Variants in EYA2 observed in about 807,000 individuals in gnomAD.
EYA2 encodes protein phosphatase EYA2.
Under a neutral mutation model 69.2 loss-of-function variants are expected in EYA2, and 31 were observed. That is an observed-to-expected ratio of 0.45 (90% CI 0.34 to 0.60). The LOEUF is 0.60. Ranked by LOEUF, EYA2 falls within the 20% of genes least tolerant of loss-of-function variation. EYA2 has a pLI of 0.02. For synonymous variants in EYA2, 257 were observed against 279.4 expected (o/e 0.92, Z 0.80); for missense variants, 622 against 701.2 (o/e 0.89, Z 1.28).
intron 5 of EYA2, among the ~76,000 whole-genome samples, chr20:47,067,001 G>A (rs1451846289): frequency 6.6e-6 from 1 of 152,134 alleles, no homozygotes; most frequent in African/African-American, 2.4e-5. Context: ...GTCCTCTCTG[G>A]CACAGGATGG....
At chr20:47,145,900 TAA>T (rs112472302) in intron 10 of EYA2, among the ~76,000 whole-genome samples, 1 of 138,298 alleles carries the variant, frequency 7.2e-6, no homozygotes, top group Non-Finnish European at 1.6e-5. Flanking sequence ...AACTCCATCT[TAA>T]AAAAAAAAAA....
rs775297014 is a variant in EYA2 at position 46,990,015 on chromosome 20, T to G, written c.5T>G (p.Val2Gly). Residue 2 changes from valine (V) to glycine (G), a missense_variant, in exon 2 of 16, where the codon GTA becomes GGA. Transcript: ENST00000327619. ...TTTTCTTTCAGGTACAAGGAAATGG[T>G]AGAACTAGTGATCTCACCCAGCCTC... M[V>G]ELVISPSLTV... 6.3e-7 allele frequency: 1 copy of G among 1,579,106 alleles called. No homozygotes were observed. The highest frequency in any genetic ancestry group is 1.1e-5 in the South Asian group (1 of 90,222).
intron 5 of EYA2, among the ~76,000 whole-genome samples, chr20:47,045,982 C>A (rs1289930431): frequency 6.6e-6 from 1 of 152,138 alleles, no homozygotes; most frequent in African/African-American, 2.4e-5. Context: ...CGTCTAAGTC[C>A]ATTTGGGCTG....
chr20:47,025,931 G>A (rs1290842391), intron 5 of EYA2, among the ~76,000 whole-genome samples: 1 of 152,236 alleles, frequency 6.6e-6, no homozygotes, highest in East Asian at 1.9e-4. Context: ...GTGAGGTTGA[G>A]CATCTTTTCA....
At chr20:46,951,689 T>C (rs1978809896) in intron 1 of EYA2, among the ~76,000 whole-genome samples, 1 of 152,234 alleles carries the variant, frequency 6.6e-6, no homozygotes, top group South Asian at 2.1e-4. Flanking sequence ...ACTAACCTGC[T>C]GTGGGACCTT....
intron 5 of EYA2, among the ~76,000 whole-genome samples, chr20:47,033,651 TC>T (rs771340265): frequency 1.1e-4 from 16 of 152,168 alleles, no homozygotes; most frequent in Non-Finnish European, 2.1e-4. Context: ...GTCAGCTAAT[TC>T]TAGCCACTGA....
chr20:47,072,058 C>A, intron 5 of EYA2, 127 bp from the exon 6 acceptor site: 1 of 837,040 alleles, frequency 1.2e-6, no homozygotes, highest in Non-Finnish European at 2.0e-6. Context: ...CCACTAGGAA[C>A]CAGAGCTTCT....
At chr20:47,116,520 C>G (rs1330459383) in intron 9 of EYA2, among the ~76,000 whole-genome samples, 5 of 152,156 alleles carry the variant, frequency 3.3e-5, no homozygotes, top group African/African-American at 1.2e-4. Context: ...CTCATTATAA[C>G]AGATTCTGTC....
intron 4 of EYA2, among the ~76,000 whole-genome samples, chr20:47,013,258 G>T (rs1459005047): frequency 6.6e-6 from 1 of 152,160 alleles, no homozygotes; most frequent in Non-Finnish European, 1.5e-5. Context: ...TTGAGTGCCA[G>T]GCAGGAGAAC....
chr20:46,956,684 C>T (rs542452251), intron 1 of EYA2, among the ~76,000 whole-genome samples: 16 of 152,252 alleles, frequency 1.1e-4, no homozygotes, highest in South Asian at 8.3e-4. Context: ...AGAAATGCAG[C>T]GTAGATCTGT....
intron 1 of EYA2, among the ~76,000 whole-genome samples, chr20:46,957,319 C>G (rs988831796): frequency 6.6e-6 from 1 of 152,142 alleles, no homozygotes; most frequent in Non-Finnish European, 1.5e-5. Flanking sequence ...AAATTTCACT[C>G]TAAAAACTAG....
At chr20:46,954,558 T>C (rs1300673292) in intron 1 of EYA2, among the ~76,000 whole-genome samples, 2 of 152,228 alleles carry the variant, frequency 1.3e-5, no homozygotes. Flanking sequence ...GGGAACACAC[T>C]AATACAGTTT....
intron 12 of EYA2, among the ~76,000 whole-genome samples, chr20:47,176,076 CTTTTTTTTT>C (rs35654076): frequency 8.9e-6 from 1 of 112,494 alleles, no homozygotes. Flanking sequence ...CACTTAAATT[CTTTTTTTTT>C]TTTTTTTTTT....
At chr20:47,115,556 A>T (rs1269950869) in intron 9 of EYA2, among the ~76,000 whole-genome samples, 2 of 151,804 alleles carry the variant, frequency 1.3e-5, no homozygotes, top group African/African-American at 2.4e-5. Flanking sequence ...CCATACGCCA[A>T]CCATCATCAT....
At chr20:47,096,453 G>A (rs1018423777) in intron 8 of EYA2, among the ~76,000 whole-genome samples, 1 of 152,194 alleles carries the variant, frequency 6.6e-6, no homozygotes, top group South Asian at 2.1e-4. Flanking sequence ...TATGGGAAAA[G>A]GTAGGGACTC....
At chr20:46,964,346 G>T (rs1979653263) in intron 1 of EYA2, among the ~76,000 whole-genome samples, 1 of 152,220 alleles carries the variant, frequency 6.6e-6, no homozygotes, top group African/African-American at 2.4e-5. Context: ...TTTGGAGGAG[G>T]TGGGCAGTGG....
chr20:46,925,541 A>G (rs1767030632), intron 1 of EYA2, among the ~76,000 whole-genome samples: 1 of 152,360 alleles, frequency 6.6e-6, no homozygotes, highest in African/African-American at 2.4e-5. Context: ...TGAACAGGCA[A>G]TTCACAGGAA....
At chr20:47,183,477 C>A in intron 15 of EYA2, 86 bp downstream of exon 15, 2 of 1,238,846 alleles carry the variant, frequency 1.6e-6, no homozygotes, top group Non-Finnish European at 2.3e-6. Context: ...TGATTTCCTC[C>A]ACTCCCCGTG....
chr20:46,925,542 TTCACAGGAAAGGAAATACAAA>T (rs1568669524), intron 1 of EYA2, among the ~76,000 whole-genome samples: 5 of 152,122 alleles, frequency 3.3e-5, no homozygotes, highest in Non-Finnish European at 7.3e-5. Context: ...GAACAGGCAA[TTCACAGGAAAGGAAATACAAA>T]TGACTTTTAA....
Sources: allele counts gnomAD v4.1 joint callset (sites outside exome capture counted in the v4.1 genomes callset), GRCh38; gene constraint gnomAD v4.1.1; transcripts MANE v1.5; gene names NCBI Gene and HGNC (gene_info 2026-07-23, HGNC 2026-07-21).